SPTA1: variants seen among roughly 807,000 people sequenced by gnomAD.
The protein encoded by SPTA1 is spectrin alpha chain, erythrocytic 1.
In SPTA1, 177 loss-of-function variants were observed where a neutral mutation model predicts 324.7. That is an observed-to-expected ratio of 0.55 (90% CI 0.48 to 0.62). The LOEUF is 0.62. Among genes scored for constraint, SPTA1 ranks in the 20% least tolerant of loss-of-function variants. SPTA1 has a pLI of 0.00. For synonymous variants in SPTA1, 1,195 were observed against 1,041.3 expected, an observed-to-expected ratio of 1.15 and a Z score of -2.84; for missense variants, 3,162 against 2,883.6, an observed-to-expected ratio of 1.10 and a Z score of -2.21.
chr1:158,678,915 G>A (rs1270993309), intron 5 of SPTA1, among the ~76,000 whole-genome samples: 1 of 152,116 alleles, frequency 6.6e-6, no homozygotes, highest in Non-Finnish European at 1.5e-5. Context: ...TCAAAGACTA[G>A]TGCTGTGGGT....
chr1:158,649,742 A>G lies in SPTA1; in HGVS notation c.3569+114T>C, dbSNP rs531759453. ...AAAAAACCTAATTTTCTATTGGCACATTGTCTCCATCTCACGAAAAAAGAT... is the reference window on the plus strand; with the variant it reads ...AAAAAACCTAATTTTCTATTGGCACGTTGTCTCCATCTCACGAAAAAAGAT... On this transcript the variant is annotated intron_variant, in intron 25 of 51. Coordinates refer to ENST00000643759, the MANE Select transcript of SPTA1 (RefSeq NM_003126.4). 6.7e-3 allele frequency: 5,717 copies of G among 858,652 alleles called. 29 individuals carry two copies. The highest frequency in any genetic ancestry group is 8.8e-3 in the Non-Finnish European group (4,608 of 520,922). 53.2% of individuals were successfully genotyped at this position (858,652 alleles called of 1,614,324 possible). A position where few individuals can be genotyped will look rare whatever the true frequency, so the allele number is the denominator to read the frequency against.
chr1:158,674,637 C>A lies in SPTA1; in HGVS notation c.1151G>T (p.Gly384Val). The change falls in exon 9 of 52, where the codon GGC (glycine) becomes GTC (valine). Residue 384 changes from glycine (G) to valine (V), a missense_variant. Physicochemically the swap from Gly to Val is moderately radical, Grantham distance 109. Transcript: ENST00000643759. The part of the protein sequence containing the change: ...RFSSDFDELS[G>V]WMNEKTAAIN... ...CGCAGCAGTCTTCTCGTTCATCCAG[C>A]CTGAGAGTTCATCAAAGTCAGATGA... 1 of 1,613,922 alleles carries A rather than the reference C, an allele frequency of 6.2e-7. No homozygotes were observed. Among genetic ancestry groups the A allele is most frequent in the Non-Finnish European group, 8.5e-7 (1 of 1,179,976 alleles).
intron 43 of SPTA1, chr1:158,622,723 C>G (rs750019174): frequency 2.3e-6 from 1 of 442,838 alleles, no homozygotes; most frequent in Non-Finnish European, 4.2e-6. Context: ...ACCTCCCATC[C>G]TCTTGTTCCA....
intron 41 of SPTA1, 141 bp from the exon 42 acceptor site, chr1:158,626,363 T>C (rs2101778816): frequency 1.2e-6 from 1 of 804,862 alleles, no homozygotes; most frequent in East Asian, 2.7e-5. Context: ...ATGTGAGCAG[T>C]GGGACCAATG....
intron 43 of SPTA1, 33 bp downstream of exon 43, chr1:158,622,950 G>T: frequency 6.4e-7 from 1 of 1,570,660 alleles, no homozygotes; most frequent in Non-Finnish European, 8.8e-7. Context: ...ACAGGTAACA[G>T]AGAACTGATC....
intron 5 of SPTA1, 148 bp from the exon 6 acceptor site, chr1:158,678,682 T>C (rs1159214923): frequency 9.9e-7 from 1 of 1,013,860 alleles, no homozygotes; most frequent in Non-Finnish European, 1.5e-6. Flanking sequence ...ATCATAGCCC[T>C]CCTCCCTAGC....
Position 158,677,801 on chromosome 1 carries a change from C to T in SPTA1, c.846G>A (p.Glu282=), listed in dbSNP as rs1654501487. The change falls in exon 7 of 52, where the codon GAG becomes GAA. Residue 282 remains glutamate, a synonymous_variant. Coordinates refer to ENST00000643759, the MANE Select transcript of SPTA1 (RefSeq NM_003126.4). The stretch of plus-strand genomic sequence containing the variant: ...CCTCAGAGGTGAGTACAGGTTCCTT[C>T]TCCTTGATCCACTGGATGGCTTCAG... ...DVTEAIQWIK[E]KEPVLTSEDY... 4 of 1,613,682 alleles carry T rather than the reference C, an allele frequency of 2.5e-6. No homozygotes were observed. The highest frequency in any genetic ancestry group is 3.4e-6 in the Non-Finnish European group (4 of 1,179,718).
chr1:158,638,143 CT>C lies in SPTA1; in HGVS notation c.5078del (p.Lys1693SerfsTer4). The C allele has an allele frequency of 6.2e-7, 1 of 1,614,032 alleles. No individual in the cohort carries two copies. The highest frequency in any genetic ancestry group is 1.1e-5 in the South Asian group (1 of 91,088). On this transcript the variant is annotated frameshift_variant, in exon 36 of 52. Coordinates refer to ENST00000643759, the MANE Select transcript of SPTA1 (RefSeq NM_003126.4). LOFTEE classifies it high-confidence loss of function. ...CCAATTCTTGGACATTCAGGAAACG[CT>C]TGTTGACATTATCTTTTTTCTTCAC... ...QIVKKKDNVN[K>X]RFLNVQELAA...
chr1:158,650,991 A>G (rs1652386646), intron 24 of SPTA1, among the ~76,000 whole-genome samples: 1 of 152,190 alleles, frequency 6.6e-6, no homozygotes, highest in Non-Finnish European at 1.5e-5. Context: ...TATGATGTAA[A>G]TCTAATTTAC....
At chr1:158,630,823 A>T (rs1470639088) in intron 39 of SPTA1, among the ~76,000 whole-genome samples, 3 of 152,040 alleles carry the variant, frequency 2.0e-5, no homozygotes, top group Non-Finnish European at 4.4e-5. Flanking sequence ...AAATAAAAGT[A>T]AAAAACCCCT....
chr1:158,642,898 T>G lies in SPTA1; in HGVS notation c.4521A>C (p.Arg1507=). 6.2e-7 allele frequency: 1 copy of G among 1,613,928 alleles called. No individual in the cohort carries two copies. Among genetic ancestry groups the G allele is most frequent in the Non-Finnish European group, 8.5e-7 (1 of 1,179,896 alleles). Residue 1507 remains arginine, a synonymous_variant, in exon 32 of 52, where the codon CGA becomes CGC. Transcript: ENST00000643759. ...TCCATTCTTCCAGCTCCTCAAGGTC[T>G]CGGTAGAATTGTTTTAGGTTGGCAT... ...GDYANLKQFY[R]DLEELEEWIS...
intron 32 of SPTA1, 87 bp from the exon 33 acceptor site, chr1:158,642,629 TA>T (rs1651691213): frequency 6.3e-7 from 1 of 1,587,772 alleles, no homozygotes; most frequent in Non-Finnish European, 8.6e-7. Context: ...GAAGGGCTAA[TA>T]TTTCTATCAT....
Position 158,639,680 on chromosome 1 carries a change from T to C in SPTA1, c.4882A>G (p.Thr1628Ala). Residue 1628 changes from threonine (T) to alanine (A), a missense_variant, in exon 35 of 52, where the codon ACA becomes GCA. Coordinates refer to ENST00000643759, the MANE Select transcript of SPTA1 (RefSeq NM_003126.4). ...GCCTGATCTTTCATGGCCAGCAATG[T>C]CTCTGCCTGGAAATAGAGAAATAAG... ...DFEFWLSEAE[T>A]LLAMKDQARD... 1 of 1,613,774 alleles carries C rather than the reference T, an allele frequency of 6.2e-7. No homozygotes were observed. Among genetic ancestry groups the C allele is most frequent in the East Asian group, 2.2e-5 (1 of 44,848 alleles).
Position 158,656,579 on chromosome 1 carries a change from C to G in SPTA1, c.2883G>C (p.Gln961His), listed in dbSNP as rs1184392500. ...TTAGTCTTACCTGGCAGGCGTTTGC[C>G]TGATTCCGCAGAGCTTTCATACTGT... ...FGDSMKALRNQANACQQQQAA... is the reference protein window; with the variant it reads ...FGDSMKALRNHANACQQQQAA... The change falls in exon 20 of 52, where the codon CAG becomes CAC. Residue 961 changes from glutamine to histidine, a missense_variant. Physicochemically the swap from Gln to His is conservative, Grantham distance 24. Coordinates refer to ENST00000643759, the MANE Select transcript of SPTA1 (RefSeq NM_003126.4). The G allele has an allele frequency of 1.2e-6, 2 of 1,613,760 alleles. No individual in the cohort carries two copies. The highest frequency in any genetic ancestry group is 2.2e-5 in the East Asian group (1 of 44,874).
At chr1:158,645,462 A>G in intron 28 of SPTA1, 33 bp downstream of exon 28, 1 of 1,613,934 alleles carries the variant, frequency 6.2e-7, no homozygotes, top group Non-Finnish European at 8.5e-7. Flanking sequence ...TTTCAGGTCA[A>G]GTGATCAGTG....
chr1:158,619,419 T>A, intron 44 of SPTA1, 85 bp from the exon 45 acceptor site: 1 of 1,302,224 alleles, frequency 7.7e-7, no homozygotes. Context: ...CTTAACTGCA[T>A]ATCTTTCCTC....
At position 158,648,592 on chromosome 1, in the gene SPTA1, G is replaced by A; in HGVS notation, c.3631C>T (p.Pro1211Ser). 1.2e-6 allele frequency: 2 copies of A among 1,613,896 alleles called. No homozygotes were observed. Among genetic ancestry groups the A allele is most frequent in the Non-Finnish European group, 1.7e-6 (2 of 1,179,950 alleles). The change falls in exon 26 of 52, where the codon CCT (proline) becomes TCT (serine). Residue 1211 changes from proline to serine, a missense_variant. Coordinates refer to ENST00000643759, the MANE Select transcript of SPTA1 (RefSeq NM_003126.4). ...KKCQALSAAD[P>S]GSDLFSVQAL... is the part of the protein sequence containing the mutation. ...TGAACACTGAACAGATCTGAGCCAGGGTCTGCAGCACTGAGGGCCTGGCAT... is the reference window on the plus strand; with the variant it reads ...TGAACACTGAACAGATCTGAGCCAGAGTCTGCAGCACTGAGGGCCTGGCAT...
chr1:158,678,155 C>G (rs1377676412), intron 6 of SPTA1, among the ~76,000 whole-genome samples: 1 of 152,104 alleles, frequency 6.6e-6, no homozygotes, highest in Admixed American at 6.6e-5. Context: ...TGCAGCGCTT[C>G]CATTCCTAAA....
rs1377644929 is a variant in SPTA1, at chr1:158,648,562, G to A, written c.3661C>T (p.Leu1221Phe). Reference protein sequence around the residue: ...PGSDLFSVQALQRRHEGFERD... With the variant: ...PGSDLFSVQAFQRRHEGFERD... Reference sequence around the variant, plus strand: ...TCAAAGCCCTCATGCCGTCGCTGAAGAGCCTGAACACTGAACAGATCTGAG... The same window carrying A: ...TCAAAGCCCTCATGCCGTCGCTGAAAAGCCTGAACACTGAACAGATCTGAG... The change falls in exon 26 of 52, where the codon CTT (leucine) becomes TTT (phenylalanine). Residue 1221 changes from leucine (L) to phenylalanine (F), a missense_variant. Coordinates refer to ENST00000643759, the MANE Select transcript of SPTA1 (RefSeq NM_003126.4). The A allele has an allele frequency of 2.5e-6, 4 of 1,613,904 alleles. No individual in the cohort carries two copies. The South Asian group carries it at 3.3e-5, about 13-fold the overall frequency.
Sources: gnomAD v4.1 joint callset for allele counts (sites outside exome capture counted in the v4.1 genomes callset) on GRCh38, gnomAD v4.1.1 for gene constraint, MANE v1.5 for transcripts, NCBI Gene and HGNC (gene_info 2026-07-23, HGNC 2026-07-21) for gene names.